ZNF208: variants seen among roughly 807,000 people sequenced by gnomAD.
ZNF208 encodes zinc finger protein 208, also known as zinc finger protein 95.
A neutral mutation model predicts 12.1 loss-of-function variants in ZNF208; 10 were observed. That is an observed-to-expected ratio of 0.83 (90% CI 0.51 to 1.40). The LOEUF (loss-of-function observed/expected upper bound fraction) is 1.40. Ranked by LOEUF, ZNF208 falls within the 40% of genes most tolerant of loss-of-function variation. The pLI is 0.00. For synonymous variants in ZNF208, 497 were observed against 488.4 expected, an observed-to-expected ratio of 1.02 and a Z score of -0.23; for missense variants, 1,652 against 1,485.0, an observed-to-expected ratio of 1.11 and a Z score of -1.85.
At chr19:22,003,961 G>A (rs757749380) in intron 1 of ZNF208, among the ~76,000 whole-genome samples, 1 of 151,858 alleles carries the variant, frequency 6.6e-6, no homozygotes, top group Non-Finnish European at 1.5e-5. Context: ...CTGAGCTCAG[G>A]GGTTTGAGAC....
intron 1 of ZNF208, 49 bp downstream of exon 1, chr19:22,010,743 C>G: frequency 6.2e-7 from 1 of 1,614,172 alleles, no homozygotes; most frequent in Middle Eastern, 1.6e-4. Flanking sequence ...CCCACCGGTT[C>G]CAAGCAGCCC....
At chr19:21,965,839 A>G (rs564978532), downstream of ZNF208, 17 of 152,152 alleles carry the variant, frequency 1.1e-4, no homozygotes, top group Middle Eastern at 3.4e-3. Context: ...TTTCCCCCAA[A>G]AGAGTACAGT....
intron 3 of ZNF208, among the ~76,000 whole-genome samples, chr19:21,978,014 T>G (rs1468910936): frequency 6.6e-6 from 1 of 152,122 alleles, no homozygotes. Context: ...GACCAGACTG[T>G]ATCTCAAGAT....
intron 3 of ZNF208, among the ~76,000 whole-genome samples, chr19:21,986,154 C>T (rs1233390389): frequency 6.6e-6 from 1 of 152,002 alleles, no homozygotes; most frequent in Admixed American, 6.6e-5. Context: ...TATTTTAACA[C>T]AGCACTTGAA....
At chr19:21,982,704 A>T (rs192870031) in intron 3 of ZNF208, among the ~76,000 whole-genome samples, 2 of 152,328 alleles carry the variant, frequency 1.3e-5, no homozygotes, top group Admixed American at 1.3e-4. Flanking sequence ...CTCAGAAATA[A>T]CACCACACAT....
intron 3 of ZNF208, 78 bp downstream of exon 3, chr19:21,987,138 C>T: frequency 1.4e-6 from 2 of 1,421,578 alleles, no homozygotes; most frequent in African/African-American, 3.0e-5. Flanking sequence ...AACACAGCTT[C>T]CAGAATCACT....
rs1266814682 is a variant in ZNF208, at chr19:21,993,991, C to G, written c.4-5082G>C. On this transcript the variant is annotated intron_variant, in intron 1 of 3. Transcript: ENST00000397126. Reference sequence around the variant, plus strand: ...TATGTGATTTAATCCTAATAACACCCTTTCAGTTGATACTAAGTGTTCAAT... The same window carrying G: ...TATGTGATTTAATCCTAATAACACCGTTTCAGTTGATACTAAGTGTTCAAT... Among the ~76,000 whole-genome samples, 5 of 152,192 alleles carry G rather than the reference C, an allele frequency of 3.3e-5. No individual in the cohort carries two copies. In the East Asian group the frequency reaches 9.6e-4, roughly 29 times the overall value.
Position 21,973,308 on chromosome 19 carries a change from T to C in ZNF208, c.1726A>G (p.Thr576Ala), listed in dbSNP as rs139171819. The change falls in exon 4 of 4, where the codon ACT becomes GCT. Residue 576 changes from threonine (T) to alanine (A), a missense_variant. Thr to Ala is a moderately conservative substitution (Grantham distance 58, BLOSUM62 0). Coordinates refer to ENST00000397126, the MANE Select transcript of ZNF208 (RefSeq NM_007153.3). ...STLSYHKKIH[T>A]VEKPYKCEEC... ...TCACATTTGTAGGGTTTCTCTACAG[T>C]ATGAATTTTCTTATGATAACTAAGG... 4,280 of 1,610,852 alleles carry C rather than the reference T, an allele frequency of 2.7e-3. 7 individuals are homozygous for C. The highest frequency in any genetic ancestry group is 3.4e-3 in the Non-Finnish European group (4,033 of 1,179,336).
intron 4 of ZNF208, among the ~76,000 whole-genome samples, chr19:21,948,781 C>T (rs1472169590): frequency 8.8e-6 from 1 of 114,066 alleles, no homozygotes; most frequent in Non-Finnish European, 1.9e-5. Flanking sequence ...AGTAGCCTTA[C>T]AGGCAGCAAA....
At chr19:21,980,328 T>A (rs1004866460) in intron 3 of ZNF208, among the ~76,000 whole-genome samples, 1 of 152,070 alleles carries the variant, frequency 6.6e-6, no homozygotes, top group Non-Finnish European at 1.5e-5. Flanking sequence ...AGTAAAATAC[T>A]CCTCAGCAAA....
At chr19:21,982,339 T>C (rs1163041043) in intron 3 of ZNF208, among the ~76,000 whole-genome samples, 8 of 120,020 alleles carry the variant, frequency 6.7e-5, no homozygotes, top group Admixed American at 1.1e-4. Flanking sequence ...GCCTGGGTGA[T>C]AGAGCGAGAC....
At chr19:21,948,007 G>T (rs1351648449) in intron 4 of ZNF208, among the ~76,000 whole-genome samples, 3 of 152,128 alleles carry the variant, frequency 2.0e-5, no homozygotes, top group African/African-American at 2.4e-5. Context: ...GCATCCATGG[G>T]TAACATCTAT....
chr19:21,957,434 C>G (rs746610448), intron 4 of ZNF208, among the ~76,000 whole-genome samples: 7 of 152,156 alleles, frequency 4.6e-5, no homozygotes, highest in Non-Finnish European at 1.0e-4. Context: ...TTTAAGAAAT[C>G]AAGTTTAAGT....
chr19:21,946,271 G>C (rs913834718), intron 4 of ZNF208, among the ~76,000 whole-genome samples: 3 of 152,154 alleles, frequency 2.0e-5, no homozygotes, highest in African/African-American at 7.2e-5. Flanking sequence ...GCTTCTAATA[G>C]GTTCTGGGCC....
At chr19:21,942,063 T>G (rs1318351744) in intron 4 of ZNF208, among the ~76,000 whole-genome samples, 2 of 152,152 alleles carry the variant, frequency 1.3e-5, no homozygotes, top group African/African-American at 2.4e-5. Flanking sequence ...TAAAAAAATG[T>G]CTACAAATTC....
At chr19:21,957,193 C>T (rs547881978) in intron 4 of ZNF208, among the ~76,000 whole-genome samples, 1 of 152,124 alleles carries the variant, frequency 6.6e-6, no homozygotes, top group Admixed American at 6.5e-5. Context: ...GCATGCACCA[C>T]CATGGCCAGC....
intron 3 of ZNF208, among the ~76,000 whole-genome samples, chr19:21,983,197 G>C (rs1046379086): frequency 4.6e-5 from 7 of 151,910 alleles, no homozygotes; most frequent in Admixed American, 2.6e-4. Flanking sequence ...GTAGGCAAAG[G>C]ATATGAACAG....
At chr19:21,953,613 C>G (rs1045758168) in intron 4 of ZNF208, among the ~76,000 whole-genome samples, 6 of 152,176 alleles carry the variant, frequency 3.9e-5, no homozygotes, top group African/African-American at 1.4e-4. Flanking sequence ...CAAATGCTGA[C>G]AGATTTTGTC....
At chr19:21,941,910 A>G (rs369695211) in intron 4 of ZNF208, among the ~76,000 whole-genome samples, 1 of 152,140 alleles carries the variant, frequency 6.6e-6, no homozygotes, top group South Asian at 2.1e-4. Flanking sequence ...TAAAAAAAAA[A>G]CTTTATTATG....
Sources: allele counts gnomAD v4.1 joint callset (sites outside exome capture counted in the v4.1 genomes callset), GRCh38; gene constraint gnomAD v4.1.1; transcripts MANE v1.5; gene names NCBI Gene and HGNC (gene_info 2026-07-23, HGNC 2026-07-21).